SEPTIN9: variants seen among roughly 807,000 people sequenced by gnomAD.
SEPTIN9 encodes the protein septin 9.
Under a neutral mutation model 56.6 loss-of-function variants are expected in SEPTIN9, and 13 were observed. That is an observed-to-expected ratio of 0.23 (90% CI 0.15 to 0.37). The LOEUF (loss-of-function observed/expected upper bound fraction) is 0.37. Ranked by LOEUF, SEPTIN9 falls within the 10% of genes least tolerant of loss-of-function variation. The pLI, the probability that SEPTIN9 is intolerant of heterozygous loss-of-function variation, is 1.00. For synonymous variants in SEPTIN9, 332 were observed against 334.1 expected (o/e 0.99, Z 0.07); for missense variants, 650 against 823.1 (o/e 0.79, Z 2.57).
At chr17:77,302,268 G>A (rs2032083209) in intron 1 of SEPTIN9, among the ~76,000 whole-genome samples, 1 of 152,046 alleles carries the variant, frequency 6.6e-6, no homozygotes, top group African/African-American at 2.4e-5. Context: ...TTTGAGACCA[G>A]CCTGGGCCAC....
chr17:77,345,045 A>AAGTGACAG (rs1272784862), intron 2 of SEPTIN9, among the ~76,000 whole-genome samples: 1 of 151,886 alleles, frequency 6.6e-6, no homozygotes, highest in African/African-American at 2.4e-5. Context: ...AAGACATGCT[A>AAGTGACAG]AGTGACAGAA....
Position 77,435,382 on chromosome 17 carries a change from T to C in SEPTIN9, c.721+32679T>C, listed in dbSNP as rs942211963. The stretch of plus-strand genomic sequence containing the variant: ...CCCATGCCCTGATTCTGTGGCTTCT[T>C]GAGGTGGCTCACCCCTAAACACGCC... On this transcript the variant is annotated intron_variant, in intron 3 of 11. Transcript: ENST00000427177. The surrounding 1 kb of genome is among the most constrained non-coding windows in gnomAD (Gnocchi z 4.5). Among the ~76,000 whole-genome samples, 1 of 152,122 alleles carries C rather than the reference T, an allele frequency of 6.6e-6. No homozygotes were observed. The highest frequency in any genetic ancestry group is 1.9e-4 in the East Asian group (1 of 5,170).
rs186336445 is a variant in SEPTIN9 at position 77,423,159 on chromosome 17, C to T, written c.721+20456C>T. 1.1e-3 allele frequency among the ~76,000 whole-genome samples: 163 copies of T among 152,274 alleles called. 1 individual carries two copies. The highest frequency in any genetic ancestry group is 3.5e-3 in the African/African-American group (147 of 41,550). On this transcript the variant is annotated intron_variant, in intron 3 of 11. Coordinates refer to ENST00000427177, the MANE Select transcript of SEPTIN9 (RefSeq NM_001113491.2). ...CAAGCAATTCTCCTGTCTCAGCCTC[C>T]TGAGTAGCTGGGACTACAGGCTCAC...
chr17:77,360,465 G>A (rs2034377400), intron 2 of SEPTIN9, among the ~76,000 whole-genome samples: 1 of 152,206 alleles, frequency 6.6e-6, no homozygotes, highest in African/African-American at 2.4e-5. Flanking sequence ...TTGCCACAGT[G>A]GGTGTGTTTA....
At chr17:77,395,297 G>C (rs1213573444) in intron 2 of SEPTIN9, among the ~76,000 whole-genome samples, 1 of 152,074 alleles carries the variant, frequency 6.6e-6, no homozygotes, top group Non-Finnish European at 1.5e-5. Flanking sequence ...GGAGGCCGAG[G>C]CAGGCGGATC....
At chr17:77,394,152 C>T (rs192072120) in intron 2 of SEPTIN9, among the ~76,000 whole-genome samples, 10 of 152,248 alleles carry the variant, frequency 6.6e-5, no homozygotes, top group African/African-American at 2.2e-4. Flanking sequence ...GCAACTGGAC[C>T]CCACTCTGCC....
At chr17:77,406,646 G>C (rs773322713) in intron 3 of SEPTIN9, among the ~76,000 whole-genome samples, 2 of 151,150 alleles carry the variant, frequency 1.3e-5, no homozygotes, top group Non-Finnish European at 2.9e-5. Flanking sequence ...TAGGGCTGTT[G>C]TCTTTGTTTT....
chr17:77,490,774 G>T lies in SEPTIN9; in HGVS notation c.1295G>T (p.Arg432Leu). Reference protein sequence around the residue: ...LRPLDIEFMKRLSKVVNIVPV... With the variant: ...LRPLDIEFMKLLSKVVNIVPV... ...CCCCTGGACATCGAGTTTATGAAAC[G>T]CCTGAGCAAGGTGGTCAACATCGTC... The change falls in exon 8 of 12, where the codon CGC (arginine) becomes CTC (leucine). Residue 432 changes from arginine (R) to leucine (L), a missense_variant. Transcript: ENST00000427177. 2 of 1,588,166 alleles carry T rather than the reference G, an allele frequency of 1.3e-6. No homozygotes were observed. Among genetic ancestry groups the T allele is most frequent in the Non-Finnish European group, 8.6e-7 (1 of 1,167,008 alleles).
At chr17:77,495,243 G>A (rs1041275388) in intron 10 of SEPTIN9, among the ~76,000 whole-genome samples, 3 of 152,212 alleles carry the variant, frequency 2.0e-5, no homozygotes, top group Admixed American at 1.3e-4. Flanking sequence ...TCCAGCTGAG[G>A]AAGAGTCTGG....
At chr17:77,392,159 C>T (rs532856318) in intron 2 of SEPTIN9, among the ~76,000 whole-genome samples, 81 of 152,336 alleles carry the variant, frequency 5.3e-4, no homozygotes, top group African/African-American at 1.8e-3. Flanking sequence ...CAGACCTGCT[C>T]ATTCTCACAT....
intron 3 of SEPTIN9, among the ~76,000 whole-genome samples, chr17:77,441,291 A>G (rs1362386101): frequency 6.6e-6 from 1 of 152,148 alleles, no homozygotes; most frequent in Admixed American, 6.5e-5. Context: ...TGGGGCTGAC[A>G]ACAGTCTCAT....
chr17:77,469,225 G>A, intron 3 of SEPTIN9: 1 of 152,904 alleles, frequency 6.5e-6, no homozygotes, highest in Non-Finnish European at 1.5e-5. Flanking sequence ...AGGGAGAGGG[G>A]CTCTCAAGGC....
Position 77,427,793 on chromosome 17 carries a change from G to A in SEPTIN9, c.721+25090G>A, listed in dbSNP as rs550084864. Among the ~76,000 whole-genome samples the A allele has an allele frequency of 1.9e-3, 288 of 152,316 alleles. 1 individual carries two copies. The highest frequency in any genetic ancestry group is 3.4e-3 in the Middle Eastern group (1 of 294). On this transcript the variant is annotated intron_variant, in intron 3 of 11. Transcript: ENST00000427177. ...TAGGGGCAGTCAGGCTGGAACAGGA[G>A]GAGACCAGGCCGGCAGGGGAGCCGA...
At chr17:77,342,666 A>G (rs1284209361) in intron 2 of SEPTIN9, among the ~76,000 whole-genome samples, 1 of 152,162 alleles carries the variant, frequency 6.6e-6, no homozygotes, top group African/African-American at 2.4e-5. Context: ...TGACATTGTG[A>G]TATAAGAAAG....
Position 77,396,387 on chromosome 17 carries a change from C to T in SEPTIN9, c.77-5672C>T, listed in dbSNP as rs145668052. Among the ~76,000 whole-genome samples the T allele has an allele frequency of 1.5e-3, 222 of 152,320 alleles. 3 individuals carry two copies. In the East Asian group the frequency reaches 0.035, roughly 24 times the overall value. On this transcript the variant is annotated intron_variant, in intron 2 of 11. Coordinates refer to ENST00000427177, the MANE Select transcript of SEPTIN9 (RefSeq NM_001113491.2). ...GCCTGTGGATCTGTGCAGTCACGTA[C>T]GGGGTTCTAAAATCTGCAAAATGAC...
At chr17:77,299,080 T>A (rs1404990139) in intron 1 of SEPTIN9, among the ~76,000 whole-genome samples, 1 of 152,232 alleles carries the variant, frequency 6.6e-6, no homozygotes, top group Non-Finnish European at 1.5e-5. Context: ...GTAGCTATTA[T>A]TGGCCAGTTG....
chr17:77,417,334 G>A (rs78835538), intron 3 of SEPTIN9, among the ~76,000 whole-genome samples: 2,670 of 152,284 alleles, frequency 0.018, 86 homozygotes, highest in African/African-American at 0.06. Context: ...CGAGTTGCAC[G>A]AGGTAATTAG....
intron 4 of SEPTIN9, among the ~76,000 whole-genome samples, chr17:77,486,324 G>C (rs545299931): frequency 3.8e-4 from 58 of 151,844 alleles, no homozygotes; most frequent in African/African-American, 1.3e-3. Flanking sequence ...GGCTGGTCTT[G>C]AACTCCTGGG....
intron 2 of SEPTIN9, among the ~76,000 whole-genome samples, chr17:77,362,437 G>A (rs1447353516): frequency 6.6e-6 from 1 of 152,252 alleles, no homozygotes; most frequent in Non-Finnish European, 1.5e-5. Flanking sequence ...GCTGGGGCAA[G>A]GGAGGTCTGC....
Sources: allele counts gnomAD v4.1 joint callset (sites outside exome capture counted in the v4.1 genomes callset), GRCh38; gene constraint gnomAD v4.1.1; non-coding constraint Gnocchi (gnomAD v3.1); transcripts MANE v1.5; gene names NCBI Gene and HGNC (gene_info 2026-07-23, HGNC 2026-07-21).